ZPBP: variants seen among roughly 807,000 people sequenced by gnomAD.
ZPBP encodes the protein zona pellucida-binding protein 1.
Under a neutral mutation model 44.8 loss-of-function variants are expected in ZPBP, and 26 were observed. The ratio of observed to expected loss-of-function variants is 0.58; its 90% confidence interval spans 0.43 to 0.81. ZPBP has a LOEUF of 0.81. Among genes scored for constraint, ZPBP ranks in the 30% least tolerant of loss-of-function variants. The pLI, the probability that ZPBP is intolerant of heterozygous loss-of-function variation, is 0.00. For synonymous variants in ZPBP, 174 were observed against 153.2 expected (o/e 1.14, Z -1.00); for missense variants, 409 against 434.0 (o/e 0.94, Z 0.51).
intron 2 of ZPBP, among the ~76,000 whole-genome samples, chr7:49,894,732 G>A (rs1220543019): frequency 1.3e-5 from 2 of 152,160 alleles, no homozygotes; most frequent in Non-Finnish European, 2.9e-5. Flanking sequence ...TGTTTTGCTG[G>A]AGACACAGGA....
chr7:49,996,245 T>C (rs1408488762), intron 6 of ZPBP, among the ~76,000 whole-genome samples: 2 of 152,180 alleles, frequency 1.3e-5, no homozygotes, highest in Non-Finnish European at 2.9e-5. Flanking sequence ...CACAAAACTT[T>C]GCAGGGGTTC....
chr7:50,090,145 C>A (rs547653006), intron 1 of ZPBP, among the ~76,000 whole-genome samples: 1 of 152,100 alleles, frequency 6.6e-6, no homozygotes, highest in East Asian at 1.9e-4. Flanking sequence ...AGGTGGTATT[C>A]GGTTACATAA....
chr7:49,852,851 C>T (rs1790238336), intron 2 of ZPBP, among the ~76,000 whole-genome samples: 1 of 152,204 alleles, frequency 6.6e-6, no homozygotes, highest in Admixed American at 6.5e-5. Context: ...TGACTGGCTC[C>T]TTGAACTACA....
chr7:49,891,839 T>G (rs903429288), intron 2 of ZPBP, among the ~76,000 whole-genome samples: 20 of 152,146 alleles, frequency 1.3e-4, no homozygotes, highest in Non-Finnish European at 2.6e-4. Flanking sequence ...GTCCTTTTAA[T>G]AGCTACCACT....
chr7:50,008,997 G>A (rs1208063587), intron 6 of ZPBP, among the ~76,000 whole-genome samples: 1 of 152,056 alleles, frequency 6.6e-6, no homozygotes, highest in Non-Finnish European at 1.5e-5. Context: ...ACTTTGGGAG[G>A]CCAAGCTGTG....
At chr7:49,924,983 T>C (rs1794177658) in intron 1 of ZPBP, among the ~76,000 whole-genome samples, 1 of 152,206 alleles carries the variant, frequency 6.6e-6, no homozygotes, top group African/African-American at 2.4e-5. Flanking sequence ...TTTCTAGCTA[T>C]GTGCACCCTC....
chr7:49,854,162 C>A (rs1389668558), intron 2 of ZPBP, among the ~76,000 whole-genome samples: 1 of 152,108 alleles, frequency 6.6e-6, no homozygotes, highest in Non-Finnish European at 1.5e-5. Context: ...GTGAATAGTG[C>A]CGCAATAAGC....
chr7:49,843,112 TTA>T, the ZPBP span, among the ~76,000 whole-genome samples: 1 of 152,150 alleles, frequency 6.6e-6, no homozygotes, highest in Admixed American at 6.5e-5. Context: ...GGTACCATCT[TTA>T]TGTCTCTAAG....
chr7:49,920,496 C>A (rs1160301225), intron 1 of ZPBP: 3 of 152,118 alleles, frequency 2.0e-5, no homozygotes, highest in Non-Finnish European at 4.4e-5. Flanking sequence ...AGAAGCACTG[C>A]ATTGTTGGCA....
chr7:49,989,727 C>T (rs1554363966), intron 6 of ZPBP, among the ~76,000 whole-genome samples: 1 of 151,828 alleles, frequency 6.6e-6, no homozygotes. Context: ...GACTGCAGAC[C>T]AGAAGGAAAA....
chr7:50,049,114 T>C (rs1378004494), intron 4 of ZPBP, among the ~76,000 whole-genome samples: 1 of 152,016 alleles, frequency 6.6e-6, no homozygotes, highest in Admixed American at 6.6e-5. Flanking sequence ...CTACTGAAAC[T>C]GACTCAAGTA....
intron 6 of ZPBP, among the ~76,000 whole-genome samples, chr7:49,991,448 T>A (rs1226615707): frequency 1.3e-5 from 2 of 152,120 alleles, no homozygotes; most frequent in African/African-American, 4.8e-5. Flanking sequence ...ATAATCTGAA[T>A]TCTATGAAAG....
chr7:49,899,346 A>T (rs775098381), intron 2 of ZPBP, among the ~76,000 whole-genome samples: 8 of 152,026 alleles, frequency 5.3e-5, no homozygotes, highest in Non-Finnish European at 1.2e-4. Flanking sequence ...ATTAAAGTTT[A>T]GGAGTTTTTT....
chr7:50,051,426 T>C (rs867727992), intron 4 of ZPBP, among the ~76,000 whole-genome samples: 4 of 152,140 alleles, frequency 2.6e-5, no homozygotes, highest in Admixed American at 6.5e-5. Flanking sequence ...AGCAATCCCA[T>C]TACTGAGTAT....
At chr7:50,072,519 C>T (rs973801062) in intron 3 of ZPBP, among the ~76,000 whole-genome samples, 12 of 152,202 alleles carry the variant, frequency 7.9e-5, no homozygotes, top group African/African-American at 2.7e-4. Flanking sequence ...AGGCTGGAGC[C>T]ATGGAGTGGT....
chr7:50,019,149 CT>C (rs1365159837), intron 5 of ZPBP, among the ~76,000 whole-genome samples: 1 of 151,990 alleles, frequency 6.6e-6, no homozygotes, highest in Non-Finnish European at 1.5e-5. Context: ...TTTTGTCACC[CT>C]TTCCAGTTAT....
At chr7:49,973,916 A>G (rs570494526) in intron 7 of ZPBP, among the ~76,000 whole-genome samples, 1 of 152,278 alleles carries the variant, frequency 6.6e-6, no homozygotes, top group East Asian at 1.9e-4. Flanking sequence ...AACAACCCAA[A>G]TACCCATTAA....
chr7:49,871,942 C>G (rs2128723598), intron 2 of ZPBP, among the ~76,000 whole-genome samples: 1 of 119,686 alleles, frequency 8.4e-6, no homozygotes, highest in South Asian at 3.5e-4. Flanking sequence ...CACACACACA[C>G]ACACACACAC....
chr7:49,865,317 AT>A (rs758938173), intron 2 of ZPBP, among the ~76,000 whole-genome samples: 5 of 152,306 alleles, frequency 3.3e-5, no homozygotes, highest in Non-Finnish European at 5.9e-5. Flanking sequence ...TCTCCTATCC[AT>A]TTTGATATCT....
Sources: allele counts gnomAD v4.1 joint callset (sites outside exome capture counted in the v4.1 genomes callset), GRCh38; gene constraint gnomAD v4.1.1; transcripts MANE v1.5; gene names NCBI Gene and HGNC (gene_info 2026-07-23, HGNC 2026-07-21).